The following ZNF423 variants were observed in gnomAD, a reference collection of about 807,000 sequenced individuals.
The protein encoded by ZNF423 is zinc finger protein 423, also known as Ebf-associated zinc finger protein.
A neutral mutation model predicts 95.8 loss-of-function variants in ZNF423; 12 were observed. The ratio of observed to expected loss-of-function variants is 0.13; its 90% CI spans 0.08 to 0.20. ZNF423 has a LOEUF of 0.20. ZNF423 is among the 10% of genes least tolerant of loss of function. The pLI, the probability that ZNF423 is intolerant of heterozygous loss-of-function variation, is 1.00. For missense variants in ZNF423, 1,316 were observed against 1,737.1 expected, an observed-to-expected ratio of 0.76 and a Z score of 4.31; for synonymous variants, 749 against 711.9, an observed-to-expected ratio of 1.05 and a Z score of -0.83.
intron 7 of ZNF423, among the ~76,000 whole-genome samples, chr16:49,507,791 G>A (rs972090135): frequency 1.3e-5 from 2 of 152,218 alleles, no homozygotes; most frequent in Non-Finnish European, 2.9e-5. Flanking sequence ...AGGCACCAAT[G>A]AGATAATAAT....
rs546318296 is a variant in ZNF423 at position 49,507,436 on chromosome 16, TACC to T, written c.3850-16135_3850-16133del. ...GGTGTGAGCCACCACGCCTGGCCAA[TACC>T]ACATTTTTGATGTGGCAGCTTCTGA... On this transcript the variant is annotated intron_variant, in intron 7 of 7. Coordinates refer to ENST00000563137, the MANE Select transcript of ZNF423 (RefSeq NM_001379286.1). 3.3e-4 allele frequency among the ~76,000 whole-genome samples: 50 copies of T among 152,172 alleles called. No homozygotes were observed. In the Middle Eastern group the frequency reaches 0.017, roughly 52 times the overall value.
rs1972850254 is a variant in ZNF423, at chr16:49,638,591, C to A, written c.585G>T (p.Leu195=). 1 of 1,613,806 alleles carries A rather than the reference C, an allele frequency of 6.2e-7. No homozygotes were observed. The highest frequency in any genetic ancestry group is 1.3e-5 in the African/African-American group (1 of 75,046). The part of the protein sequence containing the change: ...HKRSRDRHIK[L]HTGDKKYHCH... The stretch of plus-strand genomic sequence containing the variant: ...AGTGATACTTCTTGTCGCCCGTATG[C>A]AGCTTGATGTGCCGGTCACGGCTCC... Residue 195 remains leucine, a synonymous_variant, in exon 4 of 8, where the codon CTG becomes CTT. Transcript: ENST00000563137. This position sits in a 1 kb window ranked among gnomAD's most constrained non-coding sequence, Gnocchi z 5.6.
intron 5 of ZNF423, among the ~76,000 whole-genome samples, chr16:49,608,849 G>A (rs1971624323): frequency 6.6e-6 from 1 of 152,166 alleles, no homozygotes; most frequent in African/African-American, 2.4e-5. Flanking sequence ...AGCAAAGGCT[G>A]AATGGAGATC....
At position 49,637,227 on chromosome 16, in the gene ZNF423, G is replaced by T; in HGVS notation, c.1949C>A (p.Ser650Tyr). Reference protein sequence around the residue: ...YPCNQCDLKFSNFESFQTHLK... With the variant: ...YPCNQCDLKFYNFESFQTHLK... ...GTGGGTCTGGAAGCTCTCAAAGTTG[G>T]AGAACTTGAGGTCGCATTGATTGCA... Residue 650 changes from serine (S) to tyrosine (Y), a missense_variant, in exon 4 of 8, where the codon TCC (serine) becomes TAC (tyrosine). Physicochemically the swap from Ser to Tyr is moderately radical, Grantham distance 144 (BLOSUM62 -2). Coordinates refer to ENST00000563137, the MANE Select transcript of ZNF423 (RefSeq NM_001379286.1). This position sits in a 1 kb window ranked among gnomAD's most constrained non-coding sequence, Gnocchi z 5.6. 2 of 1,614,114 alleles carry T rather than the reference G, an allele frequency of 1.2e-6. No individual in the cohort carries two copies. Among genetic ancestry groups the T allele is most frequent in the Non-Finnish European group, 1.7e-6 (2 of 1,180,044 alleles).
At chr16:49,859,189 G>A (rs1457850615), upstream of ZNF423, among the ~76,000 whole-genome samples, 1 of 152,128 alleles carries the variant, frequency 6.6e-6, no homozygotes, top group African/African-American at 2.4e-5. Flanking sequence ...TCCACCCCTA[G>A]GGGCCTGCTG....
chr16:49,763,868 A>G (rs2033876934), intron 2 of ZNF423, among the ~76,000 whole-genome samples: 5 of 151,958 alleles, frequency 3.3e-5, no homozygotes, highest in African/African-American at 1.2e-4. Context: ...CTTCCTTCCC[A>G]CCATTTGCTG....
At chr16:49,519,596 G>A (rs890795178) in intron 7 of ZNF423, among the ~76,000 whole-genome samples, 3 of 152,188 alleles carry the variant, frequency 2.0e-5, no homozygotes, top group African/African-American at 7.2e-5. Flanking sequence ...TCATTATGGA[G>A]TTTTGAGAGT....
intron 3 of ZNF423, among the ~76,000 whole-genome samples, chr16:49,663,352 G>A (rs1025674374): frequency 3.9e-5 from 6 of 152,152 alleles, no homozygotes; most frequent in Non-Finnish European, 7.3e-5. Context: ...AGAACAAGTG[G>A]CTGGCCACGA....
At chr16:49,553,992 G>A (rs1969735437) in intron 5 of ZNF423, among the ~76,000 whole-genome samples, 1 of 152,178 alleles carries the variant, frequency 6.6e-6, no homozygotes, top group African/African-American at 2.4e-5. Flanking sequence ...CCGCCTTGGA[G>A]GCAGAGGGGA....
At position 49,664,270 on chromosome 16, in the gene ZNF423, C is replaced by T. The variant is rs962430287; in HGVS notation, c.302-25396G>A. On this transcript the variant is annotated intron_variant, in intron 3 of 7. Transcript: ENST00000563137. Reference sequence around the variant, plus strand: ...ATCCCCACCCGGCCGCCTGGGCCGGCGGAGAAGGATGGGCCGAGGGTGTGC... The same window carrying T: ...ATCCCCACCCGGCCGCCTGGGCCGGTGGAGAAGGATGGGCCGAGGGTGTGC... 10 of 985,440 alleles carry T rather than the reference C, an allele frequency of 1.0e-5. No homozygotes were observed. In the East Asian group the frequency reaches 4.5e-4, roughly 45 times the overall value. 61.0% of individuals were successfully genotyped at this position (985,440 alleles called of 1,614,324 possible). A position where few individuals can be genotyped will look rare whatever the true frequency, so the allele number is the denominator to read the frequency against.
chr16:49,610,287 T>C (rs1053713800), intron 5 of ZNF423, among the ~76,000 whole-genome samples: 8 of 152,196 alleles, frequency 5.3e-5, no homozygotes, highest in African/African-American at 1.9e-4. Context: ...CTAATTCCCC[T>C]TCTCTTCTTG....
chr16:49,733,988 C>T (rs2033227632), intron 2 of ZNF423, among the ~76,000 whole-genome samples: 1 of 152,012 alleles, frequency 6.6e-6, no homozygotes, highest in Non-Finnish European at 1.5e-5. Flanking sequence ...CCACCCAAAG[C>T]CATGCCAGGA....
At chr16:49,737,059 C>T (rs1446919400) in intron 2 of ZNF423, among the ~76,000 whole-genome samples, 1 of 152,026 alleles carries the variant, frequency 6.6e-6, no homozygotes, top group East Asian at 1.9e-4. Context: ...TCTCCTGGTA[C>T]CATTTTACAC....
At chr16:49,852,182 G>A (rs1457259560) in intron 1 of ZNF423, among the ~76,000 whole-genome samples, 1 of 152,118 alleles carries the variant, frequency 6.6e-6, no homozygotes, top group African/African-American at 2.4e-5. Context: ...GCTGGCAGAA[G>A]AGGAAGACAA....
chr16:49,824,068 T>C (rs920340708), intron 1 of ZNF423, among the ~76,000 whole-genome samples: 1 of 152,112 alleles, frequency 6.6e-6, no homozygotes, highest in South Asian at 2.1e-4. Flanking sequence ...GACAGAGTGA[T>C]AACATCTCAA....
intron 7 of ZNF423, among the ~76,000 whole-genome samples, 173 bp downstream of exon 7, chr16:49,523,451 C>T (rs1030769640): frequency 2.6e-5 from 4 of 152,240 alleles, no homozygotes; most frequent in Non-Finnish European, 4.4e-5. Flanking sequence ...GAACGCTGGG[C>T]TGGCAGAGGC....
At position 49,789,536 on chromosome 16, in the gene ZNF423, C is replaced by A. The variant is rs372625454; in HGVS notation, c.51G>T (p.Gly17=). The part of the protein sequence containing the change: ...AKPRSVKVEE[G]EASDFSLAWD... ...AGGCCAGCGAGAAGTCTGAGGCCTC[C>A]CCCTCTTCAACTGAAAGAGAGAACA... is the stretch of plus-strand genomic sequence containing the variant. The change falls in exon 2 of 8, where the codon GGG becomes GGT. Residue 17 remains glycine, a synonymous_variant. Coordinates refer to ENST00000563137, the MANE Select transcript of ZNF423 (RefSeq NM_001379286.1). 1.9e-6 allele frequency: 3 copies of A among 1,611,948 alleles called. No homozygotes were observed. Among genetic ancestry groups the A allele is most frequent in the Non-Finnish European group, 2.5e-6 (3 of 1,179,508 alleles).
chr16:49,783,234 G>GT (rs2034243864), intron 2 of ZNF423, among the ~76,000 whole-genome samples: 1 of 150,970 alleles, frequency 6.6e-6, no homozygotes, highest in Admixed American at 6.6e-5. Context: ...TAGGGTTAGG[G>GT]TTAGTACCAG....
At chr16:49,682,903 C>A (rs886695739) in intron 3 of ZNF423, among the ~76,000 whole-genome samples, 2 of 152,162 alleles carry the variant, frequency 1.3e-5, no homozygotes, top group Admixed American at 6.5e-5. Flanking sequence ...GAGTGGGTAT[C>A]TAGGAGACGC....
Sources: gnomAD v4.1 joint callset for allele counts (sites outside exome capture counted in the v4.1 genomes callset) on GRCh38, gnomAD v4.1.1 for gene constraint, Gnocchi (gnomAD v3.1) non-coding constraint, MANE v1.5 for transcripts, NCBI Gene and HGNC (gene_info 2026-07-23, HGNC 2026-07-21) for gene names.